SAMSN1: variants seen among roughly 807,000 people sequenced by gnomAD.
SAMSN1 encodes the protein SAM domain, SH3 domain and nuclear localization signals 1.
Under a neutral mutation model 42.0 loss-of-function variants are expected in SAMSN1, and 31 were observed. The observed-to-expected ratio is 0.74, with a 90% CI of 0.55 to 1.00. SAMSN1 has a LOEUF of 1.00. SAMSN1 is among the 50% of genes least tolerant of loss of function. The pLI is 0.00. For synonymous variants in SAMSN1, 178 were observed against 151.9 expected (o/e 1.17, Z -1.26); for missense variants, 464 against 439.4 (o/e 1.06, Z -0.50).
chr21:14,621,431 G>A (rs553313281), intron 2 of SAMSN1, among the ~76,000 whole-genome samples: 84 of 152,272 alleles, frequency 5.5e-4, no homozygotes, highest in Non-Finnish European at 7.2e-4. Context: ...CTGGAAAATC[G>A]GGTCACTCCC....
rs539393766 is a variant in SAMSN1 at position 14,649,108 on chromosome 21, A to T, written c.25-5975T>A. Reference sequence around the variant, plus strand: ...TGCAGCCATAAAAAAGGATGAGTTCATGTCCTTTGTAGGGACATGGATGAA... The same window carrying T: ...TGCAGCCATAAAAAAGGATGAGTTCTTGTCCTTTGTAGGGACATGGATGAA... On this transcript the variant is annotated intron_variant, in intron 1 of 15. Transcript: ENST00000647101. 6.4e-4 allele frequency among the ~76,000 whole-genome samples: 97 copies of T among 152,226 alleles called. 2 individuals are homozygous for T. Among genetic ancestry groups the T allele is most frequent in the South Asian group, 6.0e-3 (29 of 4,816 alleles).
rs1986998553 is a variant in SAMSN1, at chr21:14,498,423, A to G, written c.919+19T>C. ...AAACTGATTATCAGCTGGGGAGAAG[A>G]GTAGGTGTACACACTTACTTTCTTC... is the stretch of plus-strand genomic sequence containing the variant. On this transcript the variant is annotated intron_variant, in intron 7 of 7. Coordinates refer to ENST00000400566, the MANE Select transcript of SAMSN1 (RefSeq NM_022136.5). 6.3e-7 allele frequency: 1 copy of G among 1,590,340 alleles called. No individual in the cohort carries two copies.
chr21:14,652,659 T>C (rs757527081), intron 1 of SAMSN1, among the ~76,000 whole-genome samples: 8 of 151,910 alleles, frequency 5.3e-5, no homozygotes, highest in South Asian at 4.2e-4. Flanking sequence ...CCCACAACTA[T>C]AGGCAACCAA....
intron 2 of SAMSN1, among the ~76,000 whole-genome samples, chr21:14,630,752 T>C (rs1983306860): frequency 6.6e-6 from 1 of 152,214 alleles, no homozygotes; most frequent in South Asian, 2.1e-4. Context: ...TGCACTGTTT[T>C]GACATTGACT....
At chr21:14,492,013 C>T (rs1986709090) in intron 7 of SAMSN1, among the ~76,000 whole-genome samples, 1 of 152,102 alleles carries the variant, frequency 6.6e-6, no homozygotes, top group South Asian at 2.1e-4. Context: ...ATAACACCTT[C>T]AAAACTACTT....
rs191775377 is a variant in SAMSN1 at position 14,512,722 on chromosome 21, C to A, written c.280-149G>T. On this transcript the variant is annotated intron_variant, in intron 3 of 7. Coordinates refer to ENST00000400566, the MANE Select transcript of SAMSN1 (RefSeq NM_022136.5). ...ATACAAAAGTAGTTCATCTTCAGTT[C>A]AATTTCTAGCAAAACCTTTCACAAT... The A allele has an allele frequency of 2.3e-3, 1,541 of 661,566 alleles. 3 individuals carry two copies. The highest frequency in any genetic ancestry group is 3.1e-3 in the Non-Finnish European group (1,264 of 406,714). 41.0% of individuals were successfully genotyped at this position (661,566 alleles called of 1,614,324 possible).
At chr21:14,594,044 T>C (rs1210218208) in exon 7 of SAMSN1, 12 of 715,504 alleles carry the variant, frequency 1.7e-5, no homozygotes, top group Middle Eastern at 2.3e-4. Context: ...AACATGTCTT[T>C]GATAGTGAAA....
At chr21:14,537,142 C>A (rs1221360871) in intron 1 of SAMSN1, among the ~76,000 whole-genome samples, 1 of 152,212 alleles carries the variant, frequency 6.6e-6, no homozygotes, top group Non-Finnish European at 1.5e-5. Flanking sequence ...TTCAGTGATC[C>A]AGCTCTTTGC....
intron 2 of SAMSN1, among the ~76,000 whole-genome samples, chr21:14,562,235 G>T (rs1273125304): frequency 6.6e-6 from 1 of 152,252 alleles, no homozygotes; most frequent in Non-Finnish European, 1.5e-5. Context: ...GCATGGAGTA[G>T]AGATGGGAAA....
At chr21:14,550,341 G>T (rs1166221254), upstream of SAMSN1, among the ~76,000 whole-genome samples, 1 of 152,060 alleles carries the variant, frequency 6.6e-6, no homozygotes, top group Non-Finnish European at 1.5e-5. Context: ...CCCTTCTAAT[G>T]TGTTACTAAT....
intron 1 of SAMSN1, among the ~76,000 whole-genome samples, chr21:14,535,138 C>T (rs1250596586): frequency 6.6e-6 from 1 of 152,186 alleles, no homozygotes; most frequent in Non-Finnish European, 1.5e-5. Context: ...AGGGCCCAGA[C>T]ATAGGTATTT....
chr21:14,552,345 G>A (rs1980625999), intron 2 of SAMSN1, among the ~76,000 whole-genome samples: 1 of 152,116 alleles, frequency 6.6e-6, no homozygotes, highest in Admixed American at 6.6e-5. Context: ...GAATGTTTGT[G>A]TGGTCCCAAA....
chr21:14,533,688 C>A lies in SAMSN1; in HGVS notation c.58-12467G>T, dbSNP rs1323356796. ...AAAATGGCAATACTAACCAAGCGAGCATTGATTTGCTGTGGGAAATTCATC... is the reference window on the plus strand; with the variant it reads ...AAAATGGCAATACTAACCAAGCGAGAATTGATTTGCTGTGGGAAATTCATC... On this transcript the variant is annotated intron_variant, in intron 1 of 7. Coordinates refer to ENST00000400566, the MANE Select transcript of SAMSN1 (RefSeq NM_022136.5). 1.3e-5 allele frequency among the ~76,000 whole-genome samples: 2 copies of A among 152,144 alleles called. 1 individual carries two copies. The highest frequency in any genetic ancestry group is 4.1e-4 in the South Asian group (2 of 4,828).
intron 6 of SAMSN1, among the ~76,000 whole-genome samples, chr21:14,599,162 G>T (rs780833260): frequency 1.2e-4 from 19 of 152,064 alleles, no homozygotes; most frequent in Non-Finnish European, 2.1e-4. Flanking sequence ...TTGGATGTGG[G>T]GTGATATGGT....
At chr21:14,555,739 A>T (rs1980743223) in intron 2 of SAMSN1, among the ~76,000 whole-genome samples, 1 of 152,192 alleles carries the variant, frequency 6.6e-6, no homozygotes, top group Non-Finnish European at 1.5e-5. Flanking sequence ...TCAAGTTTTT[A>T]TTAAAAATCT....
At chr21:14,585,538 GGTAA>G (rs1480867940), upstream of SAMSN1, 1 of 152,158 alleles carries the variant, frequency 6.6e-6, no homozygotes, top group African/African-American at 2.4e-5. Flanking sequence ...TCTGAATTCA[GGTAA>G]GTAAGATCTC....
chr21:14,624,702 G>A, intron 2 of SAMSN1, among the ~76,000 whole-genome samples: 1 of 152,120 alleles, frequency 6.6e-6, no homozygotes, highest in Non-Finnish European at 1.5e-5. Flanking sequence ...AGAGGTAAAA[G>A]GAGGAGCTGG....
intron 2 of SAMSN1, among the ~76,000 whole-genome samples, chr21:14,639,065 G>T (rs371546366): frequency 6.6e-6 from 1 of 152,040 alleles, no homozygotes; most frequent in Admixed American, 6.5e-5. Flanking sequence ...TTTTTAAAAG[G>T]CTCAAGTTTT....
intron 2 of SAMSN1, among the ~76,000 whole-genome samples, chr21:14,567,312 A>C (rs1285201752): frequency 6.8e-6 from 1 of 146,444 alleles, no homozygotes; most frequent in East Asian, 2.0e-4. Context: ...AAAAAAAAAA[A>C]CACAAAAAAT....
Sources: allele counts gnomAD v4.1 joint callset (sites outside exome capture counted in the v4.1 genomes callset), GRCh38; gene constraint gnomAD v4.1.1; transcripts MANE v1.5; gene names NCBI Gene and HGNC (gene_info 2026-07-23, HGNC 2026-07-21).